Variants in RBFOX1 observed in about 807,000 individuals in gnomAD.
RBFOX1 encodes RNA binding fox-1 homolog 1.
A neutral mutation model predicts 57.7 loss-of-function variants in RBFOX1; 8 were observed. The observed-to-expected ratio is 0.14, with a 90% CI of 0.08 to 0.25. The LOEUF is 0.25. Ranked by LOEUF, RBFOX1 falls within the 10% of genes least tolerant of loss-of-function variation. The pLI is 1.00. For missense variants in RBFOX1, 611 were observed against 548.5 expected (o/e 1.11, Z -1.14); for synonymous variants, 326 against 222.4 (o/e 1.47, Z -4.15).
chr16:6,025,526 C>T (rs139968776), intron 1 of RBFOX1, among the ~76,000 whole-genome samples: 198 of 152,284 alleles, frequency 1.3e-3, no homozygotes, highest in African/African-American at 4.2e-3. Flanking sequence ...CATGAGCAGC[C>T]GCACCCTCCC....
At position 6,909,548 on chromosome 16, in the gene RBFOX1, C is replaced by T. The variant is rs146741023; in HGVS notation, c.-15-142509C>T. On this transcript the variant is annotated intron_variant, in intron 3 of 15. Transcript: ENST00000550418. ...TCCACCTGTGTGATGGCTTTATCTC[C>T]AGCAAACATGCATTCATATTCAGGC... 6.8e-4 allele frequency among the ~76,000 whole-genome samples: 104 copies of T among 152,334 alleles called. No homozygotes were observed. The Middle Eastern group carries it at 0.014, about 20-fold the overall frequency.
chr16:6,770,153 G>T lies in RBFOX1; in HGVS notation c.-16+115503G>T, dbSNP rs181478145. Among the ~76,000 whole-genome samples, 135 of 152,316 alleles carry T rather than the reference G, an allele frequency of 8.9e-4. 1 individual carries two copies. Among genetic ancestry groups the T allele is most frequent in the Non-Finnish European group, 7.3e-5 (5 of 68,032 alleles). ...AAGGCAGCTTAGTATACCCTTTCAA[G>T]TGTCTGTTATTGTAAATATTCTTGT... On this transcript the variant is annotated intron_variant, in intron 3 of 15. Coordinates refer to ENST00000550418, the MANE Select transcript of RBFOX1 (RefSeq NM_018723.4).
At chr16:6,168,852 C>G (rs1286590134) in intron 1 of RBFOX1, among the ~76,000 whole-genome samples, 1 of 151,164 alleles carries the variant, frequency 6.6e-6, no homozygotes, top group Admixed American at 6.6e-5. Flanking sequence ...CCAGTGGATT[C>G]TCTCTGGGGT....
chr16:6,113,920 A>T (rs968244687), intron 1 of RBFOX1, among the ~76,000 whole-genome samples: 1 of 152,178 alleles, frequency 6.6e-6, no homozygotes, highest in African/African-American at 2.4e-5. Context: ...ACATTTCATT[A>T]TTACGATCTG....
chr16:6,835,798 G>C (rs553732136), intron 3 of RBFOX1, among the ~76,000 whole-genome samples: 3 of 144,682 alleles, frequency 2.1e-5, no homozygotes, highest in East Asian at 4.2e-4. Flanking sequence ...ATCATGTGTA[G>C]CTCTAAATCG....
intron 1 of RBFOX1, among the ~76,000 whole-genome samples, chr16:6,239,485 CTTTTTTTTTTTT>C (rs59244306): frequency 0.018 from 1,245 of 67,876 alleles, 14 homozygotes; most frequent in African/African-American, 0.039. Context: ...CCAACTGACT[CTTTTTTTTTTTT>C]TTTTTTTTTT....
intron 3 of RBFOX1, among the ~76,000 whole-genome samples, chr16:5,829,665 C>G (rs2056195950): frequency 7.6e-6 from 1 of 131,098 alleles, no homozygotes; most frequent in Non-Finnish European, 1.7e-5. Flanking sequence ...GATCTGCTGT[C>G]CATGAGCCAG....
intron 2 of RBFOX1, among the ~76,000 whole-genome samples, chr16:6,587,142 A>T (rs943507370): frequency 6.6e-6 from 1 of 151,976 alleles, no homozygotes; most frequent in Non-Finnish European, 1.5e-5. Context: ...CTCTTATCTA[A>T]CTGAATTTTT....
intron 1 of RBFOX1, among the ~76,000 whole-genome samples, chr16:5,404,519 T>C (rs1022693430): frequency 1.3e-5 from 2 of 152,136 alleles, no homozygotes; most frequent in African/African-American, 4.8e-5. Context: ...ATATGCAAAT[T>C]GAGTGTGAAG....
At chr16:5,648,828 C>A (rs2049134813) in intron 3 of RBFOX1, among the ~76,000 whole-genome samples, 1 of 152,100 alleles carries the variant, frequency 6.6e-6, no homozygotes, top group Admixed American at 6.5e-5. Context: ...CTTCGGGAGG[C>A]CAAAGCAGGC....
At chr16:6,194,293 C>T (rs181085238) in intron 1 of RBFOX1, among the ~76,000 whole-genome samples, 7 of 152,292 alleles carry the variant, frequency 4.6e-5, no homozygotes, top group Admixed American at 4.6e-4. Context: ...CAGTTCACCT[C>T]TCACCCAGGC....
chr16:5,764,067 T>C (rs1380557437), intron 3 of RBFOX1, among the ~76,000 whole-genome samples: 1 of 152,236 alleles, frequency 6.6e-6, no homozygotes, highest in East Asian at 1.9e-4. Flanking sequence ...CGTAGGTGTC[T>C]AATAAATACT....
At chr16:6,612,649 C>A (rs1327802179) in intron 2 of RBFOX1, among the ~76,000 whole-genome samples, 4 of 151,846 alleles carry the variant, frequency 2.6e-5, no homozygotes, top group African/African-American at 9.7e-5. Flanking sequence ...GTCAGGAGTT[C>A]AAGATCAGCC....
intron 1 of RBFOX1, among the ~76,000 whole-genome samples, chr16:5,385,648 C>A (rs967512419): frequency 6.6e-6 from 1 of 152,174 alleles, no homozygotes; most frequent in African/African-American, 2.4e-5. Flanking sequence ...GAAGGTTCTT[C>A]ATCACTCCAT....
intron 3 of RBFOX1, among the ~76,000 whole-genome samples, chr16:5,662,638 G>A (rs188465245): frequency 6.6e-6 from 1 of 152,154 alleles, no homozygotes; most frequent in Non-Finnish European, 1.5e-5. Context: ...CTTTAAAAAT[G>A]TGTTAGTGAA....
rs374709638 is a variant in RBFOX1, at chr16:5,691,692, G to C, written c.318+92731G>C. On this transcript the variant is annotated intron_variant, in intron 3 of 19. Transcript: ENST00000641259. ...GAGTTTCAGATTTTGGGAAATTGTG[G>C]ATGTCATGTTTTCAGATGAGGGATG... 2.5e-4 allele frequency among the ~76,000 whole-genome samples: 38 copies of C among 152,316 alleles called. 2 individuals are homozygous for C. In the South Asian group the frequency reaches 7.9e-3, roughly 32 times the overall value.
intron 2 of RBFOX1, among the ~76,000 whole-genome samples, chr16:6,502,414 C>T (rs1208915867): frequency 6.6e-6 from 1 of 152,158 alleles, no homozygotes; most frequent in African/African-American, 2.4e-5. Flanking sequence ...GAGTCCATCA[C>T]TAAAGACCTT....
At chr16:5,943,132 C>T (rs1426999773) in intron 4 of RBFOX1, among the ~76,000 whole-genome samples, 1 of 152,218 alleles carries the variant, frequency 6.6e-6, no homozygotes, top group East Asian at 1.9e-4. Context: ...CCCAGACACA[C>T]ATCCCTAACA....
chr16:6,527,408 C>T (rs1009549493), intron 2 of RBFOX1, among the ~76,000 whole-genome samples: 1 of 152,108 alleles, frequency 6.6e-6, no homozygotes, highest in Non-Finnish European at 1.5e-5. Flanking sequence ...TCGTCCTTCC[C>T]CCCATCACTT....
Sources: allele counts gnomAD v4.1 joint callset (sites outside exome capture counted in the v4.1 genomes callset), GRCh38; gene constraint gnomAD v4.1.1; transcripts MANE v1.5; gene names NCBI Gene and HGNC (gene_info 2026-07-23, HGNC 2026-07-21).